DUSP10: variants seen among roughly 807,000 people sequenced by gnomAD.
The protein encoded by DUSP10 is dual specificity protein phosphatase 10.
DUSP10 carries 14 observed loss-of-function variants against 30.8 expected under a neutral mutation model. The ratio of observed to expected loss-of-function variants is 0.46; its 90% confidence interval spans 0.30 to 0.71. DUSP10 has a LOEUF of 0.71. Among genes scored for constraint, DUSP10 ranks in the 30% least tolerant of loss-of-function variants. DUSP10 has a pLI of 0.08. For synonymous variants in DUSP10, 254 were observed against 250.4 expected, an observed-to-expected ratio of 1.01 and a Z score of -0.14; for missense variants, 550 against 619.4, an observed-to-expected ratio of 0.89 and a Z score of 1.19.
At chr1:221,704,148 G>C (rs1187434354) in intron 3 of DUSP10, among the ~76,000 whole-genome samples, 1 of 152,098 alleles carries the variant, frequency 6.6e-6, no homozygotes. Context: ...TACACTCTCA[G>C]TGAAAGCTAT....
intron 2 of DUSP10, among the ~76,000 whole-genome samples, chr1:221,718,817 G>C (rs974439483): frequency 2.0e-5 from 3 of 152,210 alleles, no homozygotes; most frequent in Admixed American, 1.3e-4. Context: ...TGGGATTTAA[G>C]TAAAGTCCAA....
At chr1:221,720,232 G>A (rs1209279274) in intron 2 of DUSP10, among the ~76,000 whole-genome samples, 1 of 152,174 alleles carries the variant, frequency 6.6e-6, no homozygotes, top group Non-Finnish European at 1.5e-5. Context: ...AATAGCTCCA[G>A]GAAGGGAGCT....
intron 2 of DUSP10, among the ~76,000 whole-genome samples, chr1:221,733,177 C>T (rs561061893): frequency 4.4e-4 from 67 of 152,198 alleles, no homozygotes; most frequent in Non-Finnish European, 8.4e-4. Context: ...CCCACTTAGT[C>T]CCTGAGGGTG....
intron 2 of DUSP10, among the ~76,000 whole-genome samples, chr1:221,707,978 C>T (rs1358305437): frequency 1.3e-5 from 2 of 152,102 alleles, no homozygotes; most frequent in Non-Finnish European, 2.9e-5. Flanking sequence ...AGGATTATTA[C>T]AAAGCTCAAA....
intron 2 of DUSP10, among the ~76,000 whole-genome samples, chr1:221,732,471 C>A (rs956931265): frequency 3.3e-5 from 5 of 152,086 alleles, no homozygotes; most frequent in African/African-American, 1.2e-4. Flanking sequence ...TAGTTCTGAA[C>A]TGAAATCTCA....
chr1:221,737,104 G>C (rs1289541195), intron 2 of DUSP10: 1 of 985,216 alleles, frequency 1.0e-6, no homozygotes, highest in African/African-American at 1.7e-5. Flanking sequence ...ATGACTGATG[G>C]GTCACCCCTA....
At position 221,739,719 on chromosome 1, in the gene DUSP10, C is replaced by T; in HGVS notation, c.26G>A (p.Arg9Lys). ...GGGCCTAGATAGTGCCACTACTACCCTGTCGTCTAAAGGAGACGGAGGCAT... is the reference window on the plus strand; with the variant it reads ...GGGCCTAGATAGTGCCACTACTACCTTGTCGTCTAAAGGAGACGGAGGCAT... MPPSPLDD[R>K]VVVALSRPVR... is the part of the protein sequence containing the mutation. Residue 9 changes from arginine to lysine, a missense_variant, in exon 2 of 4, where the codon AGG (arginine) becomes AAG (lysine). Arg to Lys is a conservative substitution (Grantham distance 26). Transcript: ENST00000366899. The T allele has an allele frequency of 6.2e-7, 1 of 1,606,770 alleles. No homozygotes were observed. The highest frequency in any genetic ancestry group is 8.5e-7 in the Non-Finnish European group (1 of 1,175,518).
At position 221,702,366 on chromosome 1, in the gene DUSP10, A is replaced by G; in HGVS notation, c.*46T>C. ...AAACCAGAATCCATCCTCCTTCCTC[A>G]TTGTCTCCTAATGGAGAGCAGCAAT... On this transcript the variant is annotated 3_prime_UTR_variant, in exon 4 of 4. Coordinates refer to ENST00000366899, the MANE Select transcript of DUSP10 (RefSeq NM_007207.6). This position sits in a 1 kb window ranked among gnomAD's most constrained non-coding sequence, Gnocchi z 4.5. 1 of 1,570,804 alleles carries G rather than the reference A, an allele frequency of 6.4e-7. No individual in the cohort carries two copies. The highest frequency in any genetic ancestry group is 1.1e-5 in the South Asian group (1 of 87,120).
chr1:221,711,046 A>G (rs1178076996), intron 2 of DUSP10, among the ~76,000 whole-genome samples: 2 of 152,218 alleles, frequency 1.3e-5, no homozygotes, highest in Non-Finnish European at 2.9e-5. Context: ...GGCAGCAACA[A>G]AGAATACCTA....
At chr1:221,724,502 A>G (rs1004400857) in intron 2 of DUSP10, among the ~76,000 whole-genome samples, 2 of 152,212 alleles carry the variant, frequency 1.3e-5, no homozygotes, top group African/African-American at 4.8e-5. Flanking sequence ...AAGTCTTGAA[A>G]TCTGGTATAT....
intron 2 of DUSP10, among the ~76,000 whole-genome samples, chr1:221,738,405 T>C (rs1431817950): frequency 6.6e-6 from 1 of 152,248 alleles, no homozygotes; most frequent in Non-Finnish European, 1.5e-5. Context: ...TCTGCCCTTC[T>C]TCAAGGTCAC....
chr1:221,737,042 G>A (rs1661796252), intron 2 of DUSP10: 5 of 985,478 alleles, frequency 5.1e-6, no homozygotes, highest in Non-Finnish European at 6.0e-6. Context: ...CCACAGGAAA[G>A]GGAGAGAGGA....
chr1:221,714,474 TGTACA>T (rs1661036618), intron 2 of DUSP10, among the ~76,000 whole-genome samples: 2 of 152,082 alleles, frequency 1.3e-5, no homozygotes, highest in African/African-American at 4.8e-5. Flanking sequence ...GCCGGCCACG[TGTACA>T]GTAAGGAGCA....
rs78744221 is a variant in DUSP10, at chr1:221,711,135, T to A, written c.812-4669A>T. On this transcript the variant is annotated intron_variant, in intron 2 of 3. Coordinates refer to ENST00000366899, the MANE Select transcript of DUSP10 (RefSeq NM_007207.6). ...ACGGTCAGTTCAGTGACAGTCCTAC[T>A]GAAGCAATGGATTCTAGTTTTAGTG... Among the ~76,000 whole-genome samples the A allele has an allele frequency of 2.9e-3, 436 of 152,326 alleles. 5 individuals are homozygous for A. The East Asian group carries it at 0.033, about 12-fold the overall frequency.
chr1:221,711,443 G>A (rs1303520208), intron 2 of DUSP10, among the ~76,000 whole-genome samples: 1 of 152,222 alleles, frequency 6.6e-6, no homozygotes, highest in East Asian at 1.9e-4. Flanking sequence ...CCAAAGACCA[G>A]GGGGAGGGGT....
Position 221,706,163 on chromosome 1 carries a change from C to G in DUSP10, c.1115G>C (p.Arg372Pro). Residue 372 changes from arginine to proline, a missense_variant, in exon 3 of 4, where the codon CGG becomes CCG. Transcript: ENST00000366899. This position sits in a 1 kb window ranked among gnomAD's most constrained non-coding sequence, Gnocchi z 4.6. ...HYEKGLFNYK[R>P]LPATDSNKQN... ...CTTGTTGCTGTCAGTGGCTGGCAGCCGCTTGTAGTTGAACAGGCCTTTCTC... is the reference window on the plus strand; with the variant it reads ...CTTGTTGCTGTCAGTGGCTGGCAGCGGCTTGTAGTTGAACAGGCCTTTCTC... 6.2e-7 allele frequency: 1 copy of G among 1,614,012 alleles called. No homozygotes were observed. The highest frequency in any genetic ancestry group is 8.5e-7 in the Non-Finnish European group (1 of 1,179,990).
Position 221,706,592 on chromosome 1 carries a change from T to C in DUSP10, c.812-126A>G, listed in dbSNP as rs1261960425. The stretch of plus-strand genomic sequence containing the variant: ...TTTTAAATACATATATAAATATGTA[T>C]TTAAGCAAAAAAAATAAAAATAAAA... On this transcript the variant is annotated intron_variant, in intron 2 of 3. Coordinates refer to ENST00000366899, the MANE Select transcript of DUSP10 (RefSeq NM_007207.6). The surrounding 1 kb of genome is among the most constrained non-coding windows in gnomAD (Gnocchi z 4.6). The C allele has an allele frequency of 1.6e-6, 1 of 609,954 alleles. No homozygotes were observed. The highest frequency in any genetic ancestry group is 1.9e-5 in the African/African-American group (1 of 51,972). 37.8% of individuals were successfully genotyped at this position (609,954 alleles called of 1,614,324 possible).
rs368788438 is a variant in DUSP10, at chr1:221,739,400, G to A, written c.345C>T (p.Asn115=). Residue 115 remains asparagine (N), a synonymous_variant, in exon 2 of 4, where the codon AAC becomes AAT. Coordinates refer to ENST00000366899, the MANE Select transcript of DUSP10 (RefSeq NM_007207.6). ...TATTCTCATTATTGTTGACCATCTG[G>A]TTAGCAGGGCAGGTGGTAGAGGTTC... ...AIGTSTTCPA[N]QMVNNNENTG... The A allele has an allele frequency of 4.3e-6, 7 of 1,614,202 alleles. No homozygotes were observed. The highest frequency in any genetic ancestry group is 5.9e-6 in the Non-Finnish European group (7 of 1,180,036).
chr1:221,721,555 G>A (rs1357430301), intron 2 of DUSP10, among the ~76,000 whole-genome samples: 1 of 152,186 alleles, frequency 6.6e-6, no homozygotes, highest in African/African-American at 2.4e-5. Context: ...GTACACTTAT[G>A]AGGAAGAGGC....
Sources: allele counts gnomAD v4.1 joint callset (sites outside exome capture counted in the v4.1 genomes callset), GRCh38; gene constraint gnomAD v4.1.1; non-coding constraint Gnocchi (gnomAD v3.1); transcripts MANE v1.5; gene names NCBI Gene and HGNC (gene_info 2026-07-23, HGNC 2026-07-21).